The following GYG1 variants were observed in gnomAD, a reference collection of about 807,000 sequenced individuals.
The protein encoded by GYG1 is glycogenin 1.
Under a neutral mutation model 41.9 loss-of-function variants are expected in GYG1, and 44 were observed. That is an observed-to-expected ratio of 1.05 (90% CI 0.83 to 1.35). The LOEUF is 1.35. Among genes scored for constraint, GYG1 ranks in the 40% most tolerant of loss-of-function variants. The pLI is 0.00. For missense variants in GYG1, 429 were observed against 418.9 expected, an observed-to-expected ratio of 1.02 and a Z score of -0.21; for synonymous variants, 141 against 158.1, an observed-to-expected ratio of 0.89 and a Z score of 0.81.
At chr3:148,993,619 G>A (rs1576535883) in intron 1 of GYG1, among the ~76,000 whole-genome samples, 1 of 152,110 alleles carries the variant, frequency 6.6e-6, no homozygotes, top group East Asian at 1.9e-4. Flanking sequence ...CTCCAGCCTG[G>A]GTGGCCGAGT....
At position 149,027,002 on chromosome 3, in the gene GYG1, T is replaced by C. The variant is rs913289744; in HGVS notation, c.*69T>C. On this transcript the variant is annotated 3_prime_UTR_variant, in exon 8 of 8. Transcript: ENST00000345003. ...GTTTCTGATACTTAGTATCTAGAGC[T>C]GGGTTGAGAAAAGTCTGTTACAGTT... is the stretch of plus-strand genomic sequence containing the variant. 1 of 1,526,112 alleles carries C rather than the reference T, an allele frequency of 6.6e-7. No homozygotes were observed. 94.5% of individuals were successfully genotyped at this position (1,526,112 alleles called of 1,614,324 possible).
chr3:149,026,744 A>G lies in GYG1; in HGVS notation c.880-16A>G, dbSNP rs1268735573. The stretch of plus-strand genomic sequence containing the variant: ...ATTTTCAGCTCTCATAGAGTCAATT[A>G]TGCTTTCCTTTCTAGGAAGATGTCT... On this transcript the variant is annotated splice_polypyrimidine_tract_variant and intron_variant, in intron 7 of 7. Coordinates refer to ENST00000345003, the MANE Select transcript of GYG1 (RefSeq NM_004130.4). The G allele has an allele frequency of 1.9e-6, 3 of 1,544,356 alleles. No individual in the cohort carries two copies. The highest frequency in any genetic ancestry group is 1.4e-5 in the African/African-American group (1 of 73,496).
chr3:149,009,508 A>G, intron 5 of GYG1, 106 bp downstream of exon 5: 1 of 1,119,110 alleles, frequency 8.9e-7, no homozygotes, highest in Non-Finnish European at 1.4e-6. Flanking sequence ...TAACAGATAG[A>G]CACTTTGAGG....
intron 5 of GYG1, among the ~76,000 whole-genome samples, chr3:149,023,527 A>G (rs928142166): frequency 3.9e-5 from 6 of 152,236 alleles, no homozygotes; most frequent in East Asian, 1.9e-4. Flanking sequence ...GGTAATACCA[A>G]ATACTTTCCA....
intron 4 of GYG1, among the ~76,000 whole-genome samples, chr3:149,002,486 ATAAAT>A (rs1216140237): frequency 6.6e-6 from 1 of 152,242 alleles, no homozygotes; most frequent in Non-Finnish European, 1.5e-5. Context: ...AAGTAGTAAA[ATAAAT>A]CAGTTATTCT....
At chr3:148,997,327 G>T (rs58928967) in intron 4 of GYG1, among the ~76,000 whole-genome samples, 11,546 of 152,178 alleles carry the variant, frequency 0.076, 516 homozygotes, top group South Asian at 0.15. Flanking sequence ...TGAGGAATAA[G>T]CCTGATAATT....
At chr3:149,009,153 C>G (rs559513486) in intron 4 of GYG1, 123 bp from the exon 5 acceptor site, 1 of 692,970 alleles carries the variant, frequency 1.4e-6, no homozygotes, top group Non-Finnish European at 2.3e-6. Flanking sequence ...AGCGAGACTC[C>G]GTCTCAAAAA....
chr3:149,010,040 G>C (rs148610934), intron 5 of GYG1, among the ~76,000 whole-genome samples: 1 of 152,314 alleles, frequency 6.6e-6, no homozygotes, highest in East Asian at 1.9e-4. Context: ...CAACTGCTCA[G>C]TACACGTTAG....
chr3:148,996,652 A>G, intron 3 of GYG1, 90 bp from the exon 4 acceptor site: 1 of 1,328,654 alleles, frequency 7.5e-7, no homozygotes, highest in South Asian at 1.2e-5. Context: ...AGCTGTCACC[A>G]TCTTTTGTGT....
chr3:149,003,757 A>G (rs1713238386), intron 4 of GYG1, among the ~76,000 whole-genome samples: 1 of 152,002 alleles, frequency 6.6e-6, no homozygotes, highest in Non-Finnish European at 1.5e-5. Context: ...CAGTTTGAGG[A>G]GCACTATTAT....
Position 149,029,286 on chromosome 3 carries a change from CAG to C in GYG1, c.*2354_*2355del, listed in dbSNP as rs1312297479. On this transcript the variant is annotated 3_prime_UTR_variant, in exon 8 of 8. Coordinates refer to ENST00000345003, the MANE Select transcript of GYG1 (RefSeq NM_004130.4). Reference sequence around the variant, plus strand: ...CTTAGTAAAATGTATAAAAAGGCAACAGTAATTCAAATTACAAGATTTATATT... The same window carrying C: ...CTTAGTAAAATGTATAAAAAGGCAACTAATTCAAATTACAAGATTTATATT... Among the ~76,000 whole-genome samples, 1 of 152,144 alleles carries C rather than the reference CAG, an allele frequency of 6.6e-6. No individual in the cohort carries two copies. Among genetic ancestry groups the C allele is most frequent in the Non-Finnish European group, 1.5e-5 (1 of 68,024 alleles).
chr3:149,015,661 G>C (rs756162539), intron 5 of GYG1, among the ~76,000 whole-genome samples: 1 of 152,168 alleles, frequency 6.6e-6, no homozygotes, highest in Non-Finnish European at 1.5e-5. Flanking sequence ...GTGGAGTGGT[G>C]GGGGAGAAAG....
intron 5 of GYG1, among the ~76,000 whole-genome samples, chr3:149,011,815 TAGAGAA>T (rs1713748877): frequency 6.6e-6 from 1 of 152,154 alleles, no homozygotes; most frequent in South Asian, 2.1e-4. Context: ...ATTGTAACCA[TAGAGAA>T]TATGACACAC....
chr3:148,999,131 C>T (rs79410775), intron 4 of GYG1, among the ~76,000 whole-genome samples: 5,852 of 152,300 alleles, frequency 0.038, 390 homozygotes, highest in African/African-American at 0.13. Context: ...ATGAAACTAA[C>T]TAACCTATTC....
At chr3:149,026,142 G>A (rs909221975) in intron 6 of GYG1, among the ~76,000 whole-genome samples, 1 of 152,222 alleles carries the variant, frequency 6.6e-6, no homozygotes, top group Non-Finnish European at 1.5e-5. Flanking sequence ...GATGGGAATT[G>A]AAAGTTGTTC....
In GYG1 at chr3:149,027,773, G is replaced by C. The variant is rs543900782; in HGVS notation, c.*840G>C. The C allele has an allele frequency of 6.6e-6, 1 of 152,230 alleles. No homozygotes were observed. The highest frequency in any genetic ancestry group is 2.4e-5 in the African/African-American group (1 of 41,540). 9.4% of individuals were successfully genotyped at this position (152,230 alleles called of 1,614,324 possible). ...CATTGGGATATATGCTTTAAAAACT[G>C]GTATCTATGATTTCAATCTAATTGT... On this transcript the variant is annotated 3_prime_UTR_variant, in exon 8 of 8. Coordinates refer to ENST00000345003, the MANE Select transcript of GYG1 (RefSeq NM_004130.4).
At chr3:149,021,677 ATAT>A (rs1361546044) in intron 5 of GYG1, among the ~76,000 whole-genome samples, 2 of 152,140 alleles carry the variant, frequency 1.3e-5, no homozygotes, top group African/African-American at 2.4e-5. Context: ...CCTTGTAGAA[ATAT>A]TATTATTCCC....
Position 149,029,516 on chromosome 3 carries a change from T to A in GYG1, c.*2583T>A, listed in dbSNP as rs770321791. On this transcript the variant is annotated 3_prime_UTR_variant, in exon 8 of 8. Transcript: ENST00000345003. ...CCATATTGTCCTGCTGTATAACACATTTTGCAGATATTTTGAAGTTAATGT... is the reference window on the plus strand; with the variant it reads ...CCATATTGTCCTGCTGTATAACACAATTTGCAGATATTTTGAAGTTAATGT... Among the ~76,000 whole-genome samples the A allele has an allele frequency of 5.9e-5, 9 of 152,248 alleles. No homozygotes were observed. The highest frequency in any genetic ancestry group is 1.3e-4 in the Admixed American group (2 of 15,306).
chr3:148,996,879 T>G lies in GYG1; in HGVS notation c.456T>G (p.Leu152=). The part of the protein sequence containing the change: ...SVETYNQLLH[L]ASEQGSFDGG... ...AAACATACAATCAGCTGTTGCATCT[T>G]GCTTCTGAGCAAGGTAGTTTTGATG... The change falls in exon 4 of 8, where the codon CTT becomes CTG. Residue 152 remains leucine, a synonymous_variant. Transcript: ENST00000345003. 6.2e-7 allele frequency: 1 copy of G among 1,613,874 alleles called. No individual in the cohort carries two copies. The highest frequency in any genetic ancestry group is 8.5e-7 in the Non-Finnish European group (1 of 1,179,722).
Sources: gnomAD v4.1 joint callset for allele counts (sites outside exome capture counted in the v4.1 genomes callset) on GRCh38, gnomAD v4.1.1 for gene constraint, MANE v1.5 for transcripts, NCBI Gene and HGNC (gene_info 2026-07-23, HGNC 2026-07-21) for gene names.